PKHD1: variants seen among roughly 807,000 people sequenced by gnomAD.
PKHD1 encodes the protein fibrocystin.
Under a neutral mutation model 412.0 loss-of-function variants are expected in PKHD1, and 291 were observed. That is an observed-to-expected ratio of 0.71 (90% CI 0.64 to 0.78). The LOEUF is 0.78. Among genes scored for constraint, PKHD1 ranks in the 30% least tolerant of loss-of-function variants. The probability of loss-of-function intolerance (pLI) is 0.00; values close to 1 mark genes in which losing one functional copy is unlikely to be tolerated. For synonymous variants in PKHD1, 1,777 were observed against 1,821.5 expected (o/e 0.98, Z 0.62); for missense variants, 4,825 against 4,950.7 (o/e 0.97, Z 0.76).
chr6:51,946,156 G>A (rs2127840619), intron 36 of PKHD1, among the ~76,000 whole-genome samples: 1 of 152,208 alleles, frequency 6.6e-6, no homozygotes, highest in Middle Eastern at 3.4e-3. Flanking sequence ...ATCATTTACT[G>A]ACAGGAACTA....
At chr6:51,638,545 A>C (rs1768886693) in intron 64 of PKHD1, among the ~76,000 whole-genome samples, 1 of 152,098 alleles carries the variant, frequency 6.6e-6, no homozygotes, top group South Asian at 2.1e-4. Context: ...TCTCCTATTA[A>C]TATCTAACCA....
chr6:51,647,922 G>T, intron 63 of PKHD1, 109 bp downstream of exon 63: 1 of 754,326 alleles, frequency 1.3e-6, no homozygotes, highest in Admixed American at 1.8e-5. Context: ...CCAAATTACT[G>T]AAGAAATTCA....
chr6:51,941,931 T>C (rs1447983202), intron 36 of PKHD1, among the ~76,000 whole-genome samples: 1 of 151,542 alleles, frequency 6.6e-6, no homozygotes, highest in Non-Finnish European at 1.5e-5. Context: ...TCCTCATCTG[T>C]TACCTATCAT....
intron 60 of PKHD1, among the ~76,000 whole-genome samples, chr6:51,712,889 G>T (rs1394380492): frequency 6.6e-6 from 1 of 152,208 alleles, no homozygotes; most frequent in African/African-American, 2.4e-5. Context: ...AATAGATAAT[G>T]ATTTTCCAAA....
chr6:51,704,893 A>C (rs536682991), intron 60 of PKHD1, among the ~76,000 whole-genome samples: 1 of 152,096 alleles, frequency 6.6e-6, no homozygotes, highest in East Asian at 1.9e-4. Context: ...GAAAAGGAGA[A>C]GGCAGTTAAA....
At chr6:51,934,051 C>T in intron 37 of PKHD1, 59 bp downstream of exon 37, 1 of 1,313,618 alleles carries the variant, frequency 7.6e-7, no homozygotes, top group Non-Finnish European at 1.1e-6. Context: ...ACAGTTTTAT[C>T]AGTTTCCACT....
intron 59 of PKHD1, 73 bp downstream of exon 59, chr6:51,746,648 A>G: frequency 1.1e-6 from 1 of 946,612 alleles, no homozygotes; most frequent in Non-Finnish European, 1.7e-6. Flanking sequence ...TCCTTTCAAA[A>G]AACATGTTTA....
At chr6:51,697,741 G>A (rs987050537) in intron 60 of PKHD1, among the ~76,000 whole-genome samples, 1 of 152,196 alleles carries the variant, frequency 6.6e-6, no homozygotes, top group Non-Finnish European at 1.5e-5. Context: ...CAGCATGGCT[G>A]ACTTCTTATC....
chr6:52,010,583 T>G, intron 34 of PKHD1, 124 bp from the exon 35 acceptor site: 1 of 846,512 alleles, frequency 1.2e-6, no homozygotes, highest in South Asian at 1.5e-5. Flanking sequence ...TTGTCAAATT[T>G]TGCAAATTTC....
intron 60 of PKHD1, among the ~76,000 whole-genome samples, chr6:51,682,921 G>A (rs945437): frequency 0.024 from 3,642 of 152,012 alleles, 57 homozygotes; most frequent in Non-Finnish European, 0.039. Context: ...ACCTAATACA[G>A]GGAGAATACA....
chr6:51,658,913 A>T (rs568346726), intron 61 of PKHD1, 39 bp downstream of exon 61: 3 of 1,374,796 alleles, frequency 2.2e-6, no homozygotes, highest in Middle Eastern at 1.8e-4. Context: ...GACCTAAAAA[A>T]TCAGCCCTCA....
At chr6:51,763,253 G>A (rs927663103) in intron 55 of PKHD1, among the ~76,000 whole-genome samples, 2 of 152,018 alleles carry the variant, frequency 1.3e-5, no homozygotes, top group African/African-American at 4.8e-5. Flanking sequence ...CTAACTTATA[G>A]CATTGAAAGA....
At chr6:51,870,416 A>G in intron 47 of PKHD1, 88 bp downstream of exon 47, 1 of 1,090,534 alleles carries the variant, frequency 9.2e-7, no homozygotes, top group South Asian at 1.3e-5. Context: ...GAAAGAGATA[A>G]TGATTCACAA....
intron 60 of PKHD1, among the ~76,000 whole-genome samples, chr6:51,674,402 C>G (rs557067635): frequency 6.6e-6 from 1 of 152,276 alleles, no homozygotes; most frequent in Admixed American, 6.5e-5. Flanking sequence ...GTGGTCCTTC[C>G]TTCCTCCTTT....
chr6:51,940,356 G>C (rs1033349158), intron 36 of PKHD1, among the ~76,000 whole-genome samples: 5 of 151,622 alleles, frequency 3.3e-5, no homozygotes, highest in Admixed American at 3.3e-4. Flanking sequence ...TCCACTGTGA[G>C]ACAAACCCCA....
At chr6:51,785,157 G>A (rs989109419) in intron 53 of PKHD1, among the ~76,000 whole-genome samples, 2 of 152,132 alleles carry the variant, frequency 1.3e-5, no homozygotes, top group Admixed American at 6.5e-5. Flanking sequence ...GAGGGAGGTG[G>A]GAGGAGGTAA....
intron 60 of PKHD1, among the ~76,000 whole-genome samples, chr6:51,699,492 A>T (rs1194563935): frequency 1.3e-5 from 2 of 152,138 alleles, no homozygotes; most frequent in East Asian, 3.8e-4. Flanking sequence ...GGTTGTTTCC[A>T]GTTTTTGACT....
chr6:52,009,100 TG>T (rs761443091), intron 35 of PKHD1, among the ~76,000 whole-genome samples: 10 of 152,138 alleles, frequency 6.6e-5, no homozygotes, highest in Non-Finnish European at 1.2e-4. Context: ...GAAGTGCCAC[TG>T]GGGGTCAGCG....
At chr6:51,704,023 G>T (rs1470718524) in intron 60 of PKHD1, among the ~76,000 whole-genome samples, 6 of 151,940 alleles carry the variant, frequency 3.9e-5, no homozygotes, top group African/African-American at 1.4e-4. Context: ...CATCAGCCAT[G>T]CCAATACTGA....
Sources: gnomAD v4.1 joint callset for allele counts (sites outside exome capture counted in the v4.1 genomes callset) on GRCh38, gnomAD v4.1.1 for gene constraint, MANE v1.5 for transcripts, NCBI Gene and HGNC (gene_info 2026-07-23, HGNC 2026-07-21) for gene names.